CSNK2A2IP: variants seen among roughly 807,000 people sequenced by gnomAD.
The protein encoded by CSNK2A2IP is casein kinase 2 subunit alpha' interacting protein.
the CSNK2A2IP span, chr3:88,465,835 A>G: frequency 8.1e-7 from 1 of 1,231,548 alleles, no homozygotes; most frequent in South Asian, 4.1e-5. Context: ...ACCTCAAACA[A>G]CATCTTCAAG....
chr3:88,344,954 GT>G, the CSNK2A2IP span, among the ~76,000 whole-genome samples: 1 of 151,898 alleles, frequency 6.6e-6, no homozygotes, highest in Non-Finnish European at 1.5e-5. Flanking sequence ...TTTCTTTTAT[GT>G]TTCTTTAATC....
At chr3:88,439,834 A>G in the CSNK2A2IP span, among the ~76,000 whole-genome samples, 2 of 151,982 alleles carry the variant, frequency 1.3e-5, no homozygotes, top group East Asian at 3.9e-4. Context: ...TTTTGAGGAG[A>G]CGAGGAGAAA....
At chr3:88,371,914 T>A in the CSNK2A2IP span, among the ~76,000 whole-genome samples, 1 of 151,530 alleles carries the variant, frequency 6.6e-6, no homozygotes, top group Non-Finnish European at 1.5e-5. Flanking sequence ...TCAAAGTGCT[T>A]AAAGAACAAC....
the CSNK2A2IP span, among the ~76,000 whole-genome samples, chr3:88,401,997 T>A: frequency 6.6e-6 from 1 of 151,516 alleles, no homozygotes; most frequent in East Asian, 1.9e-4. Flanking sequence ...CTTTCCTTGC[T>A]TTTGAAAGAG....
chr3:88,347,299 G>A, the CSNK2A2IP span, among the ~76,000 whole-genome samples: 1 of 151,964 alleles, frequency 6.6e-6, no homozygotes, highest in Non-Finnish European at 1.5e-5. Flanking sequence ...GGGTTTGAGA[G>A]GATTCACTTT....
the CSNK2A2IP span, among the ~76,000 whole-genome samples, chr3:88,372,578 G>C: frequency 1.2e-4 from 18 of 151,280 alleles, no homozygotes. Flanking sequence ...CAAAATACAA[G>C]TGAGGCAAGC....
chr3:88,465,937 T>C, the CSNK2A2IP span: 2 of 1,231,634 alleles, frequency 1.6e-6, no homozygotes. Flanking sequence ...AGAAATACCT[T>C]CCATAAACAT....
the CSNK2A2IP span, among the ~76,000 whole-genome samples, chr3:88,380,330 A>G: frequency 6.6e-6 from 1 of 152,084 alleles, no homozygotes; most frequent in East Asian, 1.9e-4. Flanking sequence ...TTGCAATTTA[A>G]GAGTCAAAAG....
the CSNK2A2IP span, among the ~76,000 whole-genome samples, chr3:88,417,418 C>G: frequency 6.6e-6 from 1 of 152,062 alleles, no homozygotes; most frequent in Non-Finnish European, 1.5e-5. Context: ...GGAGGCATCC[C>G]GTAGTTTACA....
At chr3:88,454,347 C>A in the CSNK2A2IP span, among the ~76,000 whole-genome samples, 2 of 151,736 alleles carry the variant, frequency 1.3e-5, no homozygotes, top group Non-Finnish European at 3.0e-5. Flanking sequence ...TAATGCTTTG[C>A]AAATATTACT....
At chr3:88,420,334 C>T in the CSNK2A2IP span, among the ~76,000 whole-genome samples, 1 of 152,110 alleles carries the variant, frequency 6.6e-6, no homozygotes, top group African/African-American at 2.4e-5. Context: ...ATTTATCTTG[C>T]ATCTGGCTAG....
At chr3:88,352,247 A>G in the CSNK2A2IP span, among the ~76,000 whole-genome samples, 3 of 152,122 alleles carry the variant, frequency 2.0e-5, no homozygotes, top group African/African-American at 7.2e-5. Context: ...CTATCTGAAT[A>G]CATGCAGACA....
the CSNK2A2IP span, among the ~76,000 whole-genome samples, chr3:88,461,016 G>A: frequency 6.6e-6 from 1 of 151,844 alleles, no homozygotes; most frequent in Non-Finnish European, 1.5e-5. Context: ...GAACCCAGGT[G>A]GCAGAGGTTG....
the CSNK2A2IP span, among the ~76,000 whole-genome samples, chr3:88,377,913 T>A: frequency 6.6e-6 from 1 of 151,888 alleles, no homozygotes; most frequent in Non-Finnish European, 1.5e-5. Flanking sequence ...TTGAAAAAAA[T>A]TCAGCCTTGT....
chr3:88,383,651 C>CTTTTTTTTTTTTTTTT, the CSNK2A2IP span, among the ~76,000 whole-genome samples: 2 of 88,548 alleles, frequency 2.3e-5, no homozygotes, highest in African/African-American at 9.3e-5. Flanking sequence ...TCTTTTCTTT[C>CTTTTTTTTTTTTTTTT]TTTTTTTTTT....
At chr3:88,412,752 C>A in the CSNK2A2IP span, among the ~76,000 whole-genome samples, 5 of 151,996 alleles carry the variant, frequency 3.3e-5, no homozygotes, top group Non-Finnish European at 5.9e-5. Context: ...TAGCCTATTA[C>A]TCCTAGGCTA....
the CSNK2A2IP span, chr3:88,465,309 C>A: frequency 8.8e-7 from 1 of 1,134,696 alleles, no homozygotes; most frequent in Non-Finnish European, 1.1e-6. Flanking sequence ...GTTACTAAAT[C>A]ATCCCCACAA....
chr3:88,452,144 C>A, the CSNK2A2IP span, among the ~76,000 whole-genome samples: 2 of 151,724 alleles, frequency 1.3e-5, no homozygotes, highest in South Asian at 2.1e-4. Context: ...TGCTCCTAAT[C>A]TCCAATCTTT....
the CSNK2A2IP span, among the ~76,000 whole-genome samples, chr3:88,455,810 T>G: frequency 5.3e-5 from 8 of 151,994 alleles, no homozygotes; most frequent in Admixed American, 5.2e-4. Flanking sequence ...CTATGTATTT[T>G]TGTAGGAGTT....
Sources: gnomAD v4.1 joint callset for allele counts (sites outside exome capture counted in the v4.1 genomes callset) on GRCh38, gnomAD v4.1.1 for gene constraint, MANE v1.5 for transcripts, NCBI Gene and HGNC (gene_info 2026-07-23, HGNC 2026-07-21) for gene names.